The following FAM107B variants were observed in gnomAD, a reference collection of about 807,000 sequenced individuals.
The protein encoded by FAM107B is family with sequence similarity 107 member B.
In FAM107B, 21 loss-of-function variants were observed where a neutral mutation model predicts 31.5. That is an observed-to-expected ratio of 0.67 (90% confidence interval 0.47 to 0.96). The LOEUF is 0.96. FAM107B is among the 40% of genes least tolerant of loss of function. The pLI is 0.00. For synonymous variants in FAM107B, 157 were observed against 141.5 expected (o/e 1.11, Z -0.78); for missense variants, 452 against 377.1 (o/e 1.20, Z -1.64).
At chr10:14,585,400 A>C (rs1851791142) in intron 2 of FAM107B, among the ~76,000 whole-genome samples, 1 of 152,088 alleles carries the variant, frequency 6.6e-6, no homozygotes, top group Non-Finnish European at 1.5e-5. Flanking sequence ...GTAGAAGACC[A>C]AGAATCCTCT....
chr10:14,759,666 C>T (rs1833003421), intron 1 of FAM107B, among the ~76,000 whole-genome samples: 1 of 152,122 alleles, frequency 6.6e-6, no homozygotes, highest in Admixed American at 6.6e-5. Context: ...AAAGGATAAA[C>T]CAATAAAATC....
At chr10:14,751,792 T>C (rs1832832467) in intron 1 of FAM107B, among the ~76,000 whole-genome samples, 1 of 151,942 alleles carries the variant, frequency 6.6e-6, no homozygotes, top group South Asian at 2.1e-4. Flanking sequence ...GCCAAGAGCT[T>C]GAGGAAGTGC....
intron 1 of FAM107B, among the ~76,000 whole-genome samples, chr10:14,736,765 A>G (rs1856309566): frequency 6.6e-6 from 1 of 152,218 alleles, no homozygotes; most frequent in African/African-American, 2.4e-5. Flanking sequence ...AGCAAGCAGT[A>G]TTATTTCAGC....
At chr10:14,684,767 T>A (rs1854932776) in intron 1 of FAM107B, among the ~76,000 whole-genome samples, 1 of 152,202 alleles carries the variant, frequency 6.6e-6, no homozygotes, top group Non-Finnish European at 1.5e-5. Context: ...TACCTCTCCA[T>A]TTATAAGGCG....
At chr10:14,770,305 A>G (rs899814574) in intron 1 of FAM107B, among the ~76,000 whole-genome samples, 3 of 152,124 alleles carry the variant, frequency 2.0e-5, no homozygotes, top group African/African-American at 7.2e-5. Flanking sequence ...CGGGTGGATC[A>G]TGAGGTCAGG....
chr10:14,629,063 A>C (rs1172144462), intron 2 of FAM107B, among the ~76,000 whole-genome samples: 1 of 150,220 alleles, frequency 6.7e-6, no homozygotes, highest in Non-Finnish European at 1.5e-5. Flanking sequence ...TGGTATTAAA[A>C]ACTTGAAGGA....
chr10:14,631,606 T>C (rs1052686732), intron 2 of FAM107B, among the ~76,000 whole-genome samples: 1 of 152,168 alleles, frequency 6.6e-6, no homozygotes, highest in Non-Finnish European at 1.5e-5. Flanking sequence ...AACCTAGCCC[T>C]GCAATTCAAG....
chr10:14,548,444 C>CT, intron 2 of FAM107B: 5 of 985,680 alleles, frequency 5.1e-6, no homozygotes, highest in Non-Finnish European at 6.0e-6. Flanking sequence ...CAGCACCTGG[C>CT]TGCAAGTAGC....
chr10:14,685,917 T>A (rs1854973159), intron 1 of FAM107B, among the ~76,000 whole-genome samples: 1 of 152,108 alleles, frequency 6.6e-6, no homozygotes, highest in African/African-American at 2.4e-5. Flanking sequence ...AAGACAAGCC[T>A]TGTCTTACGT....
At chr10:14,625,186 A>C (rs1853124599) in intron 2 of FAM107B, among the ~76,000 whole-genome samples, 1 of 151,160 alleles carries the variant, frequency 6.6e-6, no homozygotes, top group African/African-American at 2.4e-5. Context: ...AGTTGGCACC[A>C]CTGCAGTCCA....
rs1386030436 is a variant in FAM107B, at chr10:14,521,227, C to A, written c.884G>T (p.Arg295Ile). Reference protein sequence around the residue: ...EFVKVKGNLRRTGQEVAQAQE... With the variant: ...EFVKVKGNLRITGQEVAQAQE... Reference sequence around the variant, plus strand: ...GGCTTGGGCGACTTCTTGGCCTGTTCTCCTGAGATTGCCTTTCACCTTCAC... The same window carrying A: ...GGCTTGGGCGACTTCTTGGCCTGTTATCCTGAGATTGCCTTTCACCTTCAC... The change falls in exon 5 of 5, where the codon AGA (arginine) becomes ATA (isoleucine). Residue 295 changes from arginine to isoleucine, a missense_variant. Transcript: ENST00000181796. 4 of 1,614,062 alleles carry A rather than the reference C, an allele frequency of 2.5e-6. No individual in the cohort carries two copies.
At chr10:14,771,136 T>C (rs1392884887) in intron 1 of FAM107B, among the ~76,000 whole-genome samples, 1 of 152,174 alleles carries the variant, frequency 6.6e-6, no homozygotes, top group Non-Finnish European at 1.5e-5. Flanking sequence ...AAACATGCCA[T>C]TGCAAAGTCA....
intron 2 of FAM107B, among the ~76,000 whole-genome samples, chr10:14,548,203 G>A (rs1848890207): frequency 6.6e-6 from 1 of 152,218 alleles, no homozygotes; most frequent in African/African-American, 2.4e-5. Context: ...TGAAGATCGA[G>A]AGGGGAGCAA....
intron 2 of FAM107B, among the ~76,000 whole-genome samples, chr10:14,575,483 A>G (rs968907793): frequency 6.6e-6 from 1 of 152,128 alleles, no homozygotes; most frequent in Non-Finnish European, 1.5e-5. Flanking sequence ...GATTACAGGT[A>G]TGAGACACTG....
chr10:14,691,360 C>A (rs1163310564), intron 1 of FAM107B, among the ~76,000 whole-genome samples: 1 of 152,200 alleles, frequency 6.6e-6, no homozygotes, highest in Non-Finnish European at 1.5e-5. Flanking sequence ...TGGAGAAAGT[C>A]TAAGACATGA....
chr10:14,590,989 CAAAAAAAA>C (rs35000609), intron 2 of FAM107B, among the ~76,000 whole-genome samples: 1 of 67,020 alleles, frequency 1.5e-5, no homozygotes, highest in East Asian at 5.5e-4. Flanking sequence ...AACTCCATCT[CAAAAAAAA>C]AAAAAAAAAA....
chr10:14,548,461 C>G (rs1385004214), intron 2 of FAM107B: 1 of 985,650 alleles, frequency 1.0e-6, no homozygotes, highest in African/African-American at 1.7e-5. Flanking sequence ...TAGCTGGAAG[C>G]GCAGGGCTCC....
chr10:14,575,639 A>T (rs1468139786), intron 2 of FAM107B, among the ~76,000 whole-genome samples: 2 of 152,196 alleles, frequency 1.3e-5, no homozygotes, highest in Admixed American at 1.3e-4. Context: ...CTAACATCTA[A>T]AAGATCTTTA....
chr10:14,752,061 A>G (rs1832838791), intron 1 of FAM107B, among the ~76,000 whole-genome samples: 1 of 151,982 alleles, frequency 6.6e-6, no homozygotes, highest in Non-Finnish European at 1.5e-5. Context: ...GCCAAGGAGG[A>G]TTTTTTTCCA....
Sources: gnomAD v4.1 joint callset for allele counts (sites outside exome capture counted in the v4.1 genomes callset) on GRCh38, gnomAD v4.1.1 for gene constraint, MANE v1.5 for transcripts, NCBI Gene and HGNC (gene_info 2026-07-23, HGNC 2026-07-21) for gene names.